AFF4: variants seen among roughly 807,000 people sequenced by gnomAD.
AFF4 encodes AF4/FMR2 family member 4.
A neutral mutation model predicts 124.8 loss-of-function variants in AFF4; 13 were observed. That is an observed-to-expected ratio of 0.10 (90% CI 0.07 to 0.17). The LOEUF (loss-of-function observed/expected upper bound fraction) is 0.17, where lower values mean the gene tolerates loss of function less well. AFF4 is among the 10% of genes least tolerant of loss of function. The pLI is 1.00. For missense variants in AFF4, 1,092 were observed against 1,403.8 expected, an observed-to-expected ratio of 0.78 and a Z score of 3.55; for synonymous variants, 477 against 496.1, an observed-to-expected ratio of 0.96 and a Z score of 0.51.
rs112679644 is a variant in AFF4 at position 132,896,271 on chromosome 5, C to T, written c.2307+52G>A. The stretch of plus-strand genomic sequence containing the variant: ...CTTTGTGGCTTACTGAGATTTCCAC[C>T]GCATTTCAGATTCTGATGTTTCAAA... On this transcript the variant is annotated intron_variant, in intron 11 of 20. Transcript: ENST00000265343. 8.2e-3 allele frequency: 12,522 copies of T among 1,523,240 alleles called. 71 individuals are homozygous for T. The highest frequency in any genetic ancestry group is 0.01 in the Non-Finnish European group (11,530 of 1,143,648). The allele number at this position is 1,523,240 out of a possible 1,614,324, so 94.4% of individuals were successfully genotyped here. A position where few individuals can be genotyped will look rare whatever the true frequency, so the allele number is the denominator to read the frequency against.
chr5:132,937,340 G>A (rs1761455718), intron 1 of AFF4, 147 bp from the exon 2 acceptor site: 4 of 969,600 alleles, frequency 4.1e-6, no homozygotes, highest in Admixed American at 3.1e-5. Context: ...GCTGGGTTTT[G>A]GTAATGGTTT....
At position 132,892,261 on chromosome 5, in the gene AFF4, CT is replaced by C; in HGVS notation, c.2539del (p.Ser847AlafsTer79). 6.2e-7 allele frequency: 1 copy of C among 1,614,074 alleles called. No homozygotes were observed. The highest frequency in any genetic ancestry group is 8.5e-7 in the Non-Finnish European group (1 of 1,180,030). On this transcript the variant is annotated frameshift_variant, in exon 13 of 21. Transcript: ENST00000265343. LOFTEE classifies it high-confidence loss of function. ...GCTGCTGCCACTCGTCTCCTTGTTG[CT>C]GTTACTGCTTGACTTTAAGGAAGAA... ...QSSSLKSSSN[S>X]NKETSGSSKN...
Position 132,880,438 on chromosome 5 carries a change from A to G in AFF4, c.*621T>C. The G allele has an allele frequency of 5.0e-6, 2 of 398,188 alleles. No individual in the cohort carries two copies. The highest frequency in any genetic ancestry group is 1.3e-4 in the South Asian group (1 of 7,470). The allele number at this position is 398,188 out of a possible 1,614,324, so 24.7% of individuals were successfully genotyped here. ...TACATGTAGAATGCCATTTTCTCAT[A>G]TTTAAGTGATTTTTTCATGTGTAGA... On this transcript the variant is annotated 3_prime_UTR_variant, in exon 21 of 21. Transcript: ENST00000265343.
chr5:132,932,022 AAG>A (rs1156784326), intron 4 of AFF4, among the ~76,000 whole-genome samples, 154 bp downstream of exon 4: 3 of 152,202 alleles, frequency 2.0e-5, no homozygotes, highest in African/African-American at 7.2e-5. Flanking sequence ...GTAAACAAAG[AAG>A]AGAGTAAATT....
chr5:132,905,151 T>G (rs1760643763), intron 5 of AFF4, among the ~76,000 whole-genome samples: 1 of 152,166 alleles, frequency 6.6e-6, no homozygotes, highest in Non-Finnish European at 1.5e-5. Context: ...TCCCAATATT[T>G]TATATACATT....
At chr5:132,956,302 G>A (rs1761956732) in intron 1 of AFF4, among the ~76,000 whole-genome samples, 1 of 152,098 alleles carries the variant, frequency 6.6e-6, no homozygotes, top group South Asian at 2.1e-4. Context: ...TGTGCTGCCT[G>A]TGTTCCAGTA....
chr5:132,948,647 C>A (rs550718001), intron 1 of AFF4: 34 of 175,836 alleles, frequency 1.9e-4, no homozygotes, highest in Non-Finnish European at 1.9e-4. Flanking sequence ...AATTTTGGCC[C>A]AATGCAACCC....
At chr5:132,953,290 G>C (rs1171920865) in intron 1 of AFF4, among the ~76,000 whole-genome samples, 1 of 151,938 alleles carries the variant, frequency 6.6e-6, no homozygotes, top group Non-Finnish European at 1.5e-5. Context: ...ACCCAGGCTG[G>C]AGTACAGTGG....
chr5:132,894,946 T>G (rs1760351286), intron 11 of AFF4, among the ~76,000 whole-genome samples: 1 of 152,112 alleles, frequency 6.6e-6, no homozygotes. Flanking sequence ...AGTAATACCC[T>G]GTCTCTAAAA....
rs1759921418 is a variant in AFF4 at position 132,879,557 on chromosome 5, A to C, written c.*1502T>G. ...TGAACATTATTATTGTAGAAGACCA[A>C]TCATGTATGGACGATCTGGTCCTAG... is the stretch of plus-strand genomic sequence containing the variant. On this transcript the variant is annotated 3_prime_UTR_variant, in exon 21 of 21. Transcript: ENST00000265343. 1 of 205,354 alleles carries C rather than the reference A, an allele frequency of 4.9e-6. No homozygotes were observed. Among genetic ancestry groups the C allele is most frequent in the Admixed American group, 6.0e-5 (1 of 16,796 alleles). 12.7% of individuals were successfully genotyped at this position (205,354 alleles called of 1,614,324 possible). A position where few individuals can be genotyped will look rare whatever the true frequency, so the allele number is the denominator to read the frequency against.
intron 10 of AFF4, among the ~76,000 whole-genome samples, chr5:132,897,934 T>A (rs979467942): frequency 3.9e-5 from 6 of 152,188 alleles, no homozygotes; most frequent in African/African-American, 1.4e-4. Flanking sequence ...AACATGATGT[T>A]CTTTGTAACC....
At chr5:132,938,344 C>G (rs1340507126) in intron 1 of AFF4, among the ~76,000 whole-genome samples, 1 of 151,652 alleles carries the variant, frequency 6.6e-6, no homozygotes, top group Non-Finnish European at 1.5e-5. Context: ...CCCAGCTCAC[C>G]ACAACCTATG....
intron 2 of AFF4, among the ~76,000 whole-genome samples, chr5:132,935,902 G>A (rs1189051878): frequency 2.0e-5 from 3 of 150,218 alleles, no homozygotes; most frequent in Non-Finnish European, 3.0e-5. Flanking sequence ...CAGCCTAGAC[G>A]AAAGAACAAG....
chr5:132,943,224 G>T, intron 1 of AFF4: 1 of 182,256 alleles, frequency 5.5e-6, no homozygotes, highest in South Asian at 1.2e-4. Context: ...TAACAAAATG[G>T]ATTCCACTTA....
intron 5 of AFF4, among the ~76,000 whole-genome samples, chr5:132,919,900 G>T (rs1761003150): frequency 6.6e-6 from 1 of 151,898 alleles, no homozygotes; most frequent in Non-Finnish European, 1.5e-5. Context: ...CAGCTATGCA[G>T]GAAGCAGAGG....
intron 5 of AFF4, among the ~76,000 whole-genome samples, chr5:132,908,978 C>T (rs1242785738): frequency 6.6e-6 from 1 of 150,728 alleles, no homozygotes; most frequent in African/African-American, 2.4e-5. Flanking sequence ...ACTGTGTTGG[C>T]CACGCTGGTC....
chr5:132,897,514 A>G (rs1456952328), intron 10 of AFF4, among the ~76,000 whole-genome samples: 2 of 152,150 alleles, frequency 1.3e-5, no homozygotes, highest in South Asian at 2.1e-4. Context: ...GTTTGAGACC[A>G]GTCTGACCAA....
At chr5:132,951,218 C>T (rs553800386) in intron 1 of AFF4, among the ~76,000 whole-genome samples, 57 of 150,950 alleles carry the variant, frequency 3.8e-4, no homozygotes, top group Middle Eastern at 3.4e-3. Flanking sequence ...AGCAAGACTC[C>T]GTCTCAAAAA....
intron 5 of AFF4, among the ~76,000 whole-genome samples, chr5:132,905,917 A>G (rs1428413479): frequency 6.6e-6 from 1 of 152,214 alleles, no homozygotes; most frequent in Non-Finnish European, 1.5e-5. Context: ...TATACTACAA[A>G]GAGCTCTTAC....
Sources: allele counts gnomAD v4.1 joint callset (sites outside exome capture counted in the v4.1 genomes callset), GRCh38; gene constraint gnomAD v4.1.1; transcripts MANE v1.5; gene names NCBI Gene and HGNC (gene_info 2026-07-23, HGNC 2026-07-21).